MGMT: variants seen among roughly 807,000 people sequenced by gnomAD.
The protein encoded by MGMT is O-6-methylguanine-DNA methyltransferase.
MGMT carries 14 observed loss-of-function variants against 15.9 expected under a neutral mutation model. That is an observed-to-expected ratio of 0.88 (90% CI 0.58 to 1.37). MGMT has a LOEUF of 1.37. MGMT is among the 40% of genes most tolerant of loss of function. The probability of loss-of-function intolerance (pLI) is 0.00; values close to 1 mark genes in which losing one functional copy is unlikely to be tolerated. For missense variants in MGMT, 282 were observed against 268.1 expected (o/e 1.05, Z -0.36); for synonymous variants, 130 against 118.2 (o/e 1.10, Z -0.65).
chr10:129,706,573 T>C (rs1216906505), intron 2 of MGMT, among the ~76,000 whole-genome samples: 1 of 152,052 alleles, frequency 6.6e-6, no homozygotes, highest in African/African-American at 2.4e-5. Context: ...ACTTCCGTGC[T>C]CCAAGCCTGG....
chr10:129,676,996 G>GT (rs965563714), intron 2 of MGMT, among the ~76,000 whole-genome samples: 78 of 152,284 alleles, frequency 5.1e-4, no homozygotes, highest in African/African-American at 1.8e-3. Context: ...CCATAGCTAA[G>GT]TTGGGATGCC....
chr10:129,742,251 T>C (rs547885606), intron 3 of MGMT, among the ~76,000 whole-genome samples: 2 of 152,332 alleles, frequency 1.3e-5, no homozygotes, highest in East Asian at 3.9e-4. Flanking sequence ...CTCCCTTTTT[T>C]CTTAAAAGTT....
chr10:129,536,473 A>C (rs972679558), intron 2 of MGMT, 96 bp downstream of exon 2: 1 of 1,470,648 alleles, frequency 6.8e-7, no homozygotes, highest in Admixed American at 2.3e-5. Flanking sequence ...TGGCAGGGTA[A>C]CGCATAGCCT....
At chr10:129,703,728 G>A (rs899015523) in intron 2 of MGMT, among the ~76,000 whole-genome samples, 7 of 152,154 alleles carry the variant, frequency 4.6e-5, no homozygotes, top group African/African-American at 1.4e-4. Context: ...GTGCCACCAC[G>A]GACGCCAGCT....
chr10:129,467,607 A>G (rs991308717), intron 1 of MGMT, among the ~76,000 whole-genome samples: 1 of 151,934 alleles, frequency 6.6e-6, no homozygotes, highest in Non-Finnish European at 1.5e-5. Context: ...GGTTCTTCCT[A>G]CCCTTCCATG....
intron 1 of MGMT, among the ~76,000 whole-genome samples, chr10:129,534,216 T>C (rs1364601109): frequency 1.3e-5 from 2 of 152,104 alleles, no homozygotes; most frequent in Non-Finnish European, 2.9e-5. Flanking sequence ...TGCCACATGG[T>C]AAGTGGAAGG....
chr10:129,560,954 AGTGTGTGTGTGTGT>A (rs57984603), intron 2 of MGMT, among the ~76,000 whole-genome samples: 22 of 133,320 alleles, frequency 1.7e-4, no homozygotes, highest in Admixed American at 9.4e-4. Flanking sequence ...AGTAAAGAGC[AGTGTGTGTGTGTGT>A]GTGTGTGTGT....
chr10:129,572,627 A>G (rs1233074638), intron 2 of MGMT, among the ~76,000 whole-genome samples: 2 of 152,228 alleles, frequency 1.3e-5, no homozygotes, highest in African/African-American at 4.8e-5. Context: ...GCTGATAAAT[A>G]GAAATAAACT....
At chr10:129,492,710 C>T (rs1337561407) in intron 1 of MGMT, among the ~76,000 whole-genome samples, 1 of 152,218 alleles carries the variant, frequency 6.6e-6, no homozygotes, top group Non-Finnish European at 1.5e-5. Flanking sequence ...AAAGGGCAGT[C>T]TCCACTGTAC....
intron 2 of MGMT, among the ~76,000 whole-genome samples, chr10:129,636,862 A>T (rs1847270215): frequency 6.6e-6 from 1 of 152,232 alleles, no homozygotes; most frequent in Admixed American, 6.5e-5. Context: ...ATATTCAAGT[A>T]TCTTTAGATT....
At chr10:129,525,751 CCTT>C (rs1015617773) in intron 1 of MGMT, among the ~76,000 whole-genome samples, 7 of 152,202 alleles carry the variant, frequency 4.6e-5, no homozygotes, top group South Asian at 2.1e-4. Context: ...CAGATAGAAA[CCTT>C]CTTTCAATTT....
In MGMT at chr10:129,516,669, G is replaced by A. The variant is rs766091040; in HGVS notation, c.-12-19572G>A. On this transcript the variant is annotated intron_variant, in intron 1 of 4. Transcript: ENST00000651593. ...TTTTAATAAAAAGCTGAATCAATAC[G>A]AAGCAGCTTGGGAAAACAGCTTTCC... Among the ~76,000 whole-genome samples the A allele has an allele frequency of 1.7e-4, 26 of 152,070 alleles. 1 individual carries two copies. The highest frequency in any genetic ancestry group is 5.9e-5 in the Non-Finnish European group (4 of 68,020).
Position 129,566,447 on chromosome 10 carries a change from C to T in MGMT, c.125+30070C>T, listed in dbSNP as rs372787596. On this transcript the variant is annotated intron_variant, in intron 2 of 4. Transcript: ENST00000651593. The surrounding 1 kb of genome is among the most constrained non-coding windows in gnomAD (Gnocchi z 4.1). ...TACCTTGGCTCTGCCTGGACCCTCTCTCTCTTCCAGGCCTCTGTCCCACCA... is the reference window on the plus strand; with the variant it reads ...TACCTTGGCTCTGCCTGGACCCTCTTTCTCTTCCAGGCCTCTGTCCCACCA... 2.3e-4 allele frequency among the ~76,000 whole-genome samples: 35 copies of T among 152,312 alleles called. No individual in the cohort carries two copies. Among genetic ancestry groups the T allele is most frequent in the African/African-American group, 7.9e-4 (33 of 41,564 alleles).
chr10:129,572,237 T>C (rs1185180409), intron 2 of MGMT, among the ~76,000 whole-genome samples: 1 of 152,234 alleles, frequency 6.6e-6, no homozygotes, highest in Non-Finnish European at 1.5e-5. Flanking sequence ...TAGTTAATTC[T>C]AAGGTGAATA....
chr10:129,730,055 G>C (rs756807116), intron 3 of MGMT, among the ~76,000 whole-genome samples: 1 of 152,124 alleles, frequency 6.6e-6, no homozygotes, highest in Non-Finnish European at 1.5e-5. Context: ...AGTGTCTACT[G>C]GTAAAGCCAG....
At chr10:129,689,472 A>C (rs1319212554) in intron 2 of MGMT, among the ~76,000 whole-genome samples, 1 of 152,176 alleles carries the variant, frequency 6.6e-6, no homozygotes, top group Admixed American at 6.5e-5. Context: ...GAACATGGGG[A>C]CAAAAAAGTG....
chr10:129,488,855 T>C (rs1353538470), intron 1 of MGMT, among the ~76,000 whole-genome samples: 1 of 152,120 alleles, frequency 6.6e-6, no homozygotes, highest in Non-Finnish European at 1.5e-5. Flanking sequence ...ACTGCAAATA[T>C]ATGACAAACA....
chr10:129,760,963 AT>A (rs1183996701), intron 4 of MGMT, among the ~76,000 whole-genome samples: 11 of 152,128 alleles, frequency 7.2e-5, no homozygotes, highest in African/African-American at 2.4e-4. Context: ...TAGGGATCTG[AT>A]TTTTACGGCG....
At chr10:129,551,006 G>A (rs1345351091) in intron 2 of MGMT, among the ~76,000 whole-genome samples, 1 of 152,180 alleles carries the variant, frequency 6.6e-6, no homozygotes, top group Non-Finnish European at 1.5e-5. Flanking sequence ...AGGACATGGA[G>A]CCATTTCGGG....
Sources: gnomAD v4.1 joint callset for allele counts (sites outside exome capture counted in the v4.1 genomes callset) on GRCh38, gnomAD v4.1.1 for gene constraint, Gnocchi (gnomAD v3.1) non-coding constraint, MANE v1.5 for transcripts, NCBI Gene and HGNC (gene_info 2026-07-23, HGNC 2026-07-21) for gene names.